The following PGGT1B variants were observed in gnomAD, a reference collection of about 807,000 sequenced individuals.
PGGT1B encodes the protein protein geranylgeranyltransferase type I subunit beta, also known as geranylgeranyl transferase type-1 subunit beta.
In PGGT1B, 30 loss-of-function variants were observed where a neutral mutation model predicts 46.1. The observed-to-expected ratio is 0.65, with a 90% confidence interval of 0.49 to 0.88. PGGT1B has a LOEUF of 0.88. Among genes scored for constraint, PGGT1B ranks in the 40% least tolerant of loss-of-function variants. The pLI is 0.00. For missense variants in PGGT1B, 376 were observed against 455.9 expected, an observed-to-expected ratio of 0.82 and a Z score of 1.60; for synonymous variants, 170 against 160.0, an observed-to-expected ratio of 1.06 and a Z score of -0.47.
chr5:115,262,206 A>G (rs1052108299), intron 1 of PGGT1B, among the ~76,000 whole-genome samples: 1 of 152,186 alleles, frequency 6.6e-6, no homozygotes, highest in Admixed American at 6.5e-5. Flanking sequence ...GCTTCACGCA[A>G]CACCACACCT....
intron 6 of PGGT1B, among the ~76,000 whole-genome samples, chr5:115,229,017 G>A (rs191012039): frequency 6.6e-6 from 1 of 152,138 alleles, no homozygotes; most frequent in Admixed American, 6.6e-5. Flanking sequence ...GAAAAAGAGA[G>A]AACACAATGA....
rs1374364086 is a variant in PGGT1B, at chr5:115,204,077, A to C, written c.*8325T>G. ...AGCTACCACACACTAAAATCATATT[A>C]GTTTTTCGGGGGTAGGAGTAAAGAT... On this transcript the variant is annotated 3_prime_UTR_variant, in exon 9 of 9. Transcript: ENST00000419445. The C allele has an allele frequency of 6.6e-6, 1 of 152,172 alleles. No homozygotes were observed. The highest frequency in any genetic ancestry group is 1.9e-4 in the East Asian group (1 of 5,198). The allele number at this position is 152,172 out of a possible 1,614,324, so 9.4% of individuals were successfully genotyped here. A position where few individuals can be genotyped will look rare whatever the true frequency, so the allele number is the denominator to read the frequency against.
intron 6 of PGGT1B, among the ~76,000 whole-genome samples, chr5:115,229,410 T>A (rs1043524101): frequency 2.6e-5 from 4 of 152,112 alleles, no homozygotes. Flanking sequence ...GCCAAATTTA[T>A]AGATAGAAGG....
chr5:115,208,842 T>G lies in PGGT1B; in HGVS notation c.*3560A>C, dbSNP rs1014210512. ...ACTGTACTAATTAATATAAATTTCC[T>G]GTCATATTTGCATTTTATTTTTTGG... On this transcript the variant is annotated 3_prime_UTR_variant, in exon 9 of 9. Transcript: ENST00000419445. 36 of 152,088 alleles carry G rather than the reference T, an allele frequency of 2.4e-4. 1 individual carries two copies. Among genetic ancestry groups the G allele is most frequent in the African/African-American group, 8.7e-4 (36 of 41,444 alleles). 9.4% of individuals were successfully genotyped at this position (152,088 alleles called of 1,614,324 possible).
chr5:115,256,318 T>C (rs1748310414), intron 1 of PGGT1B, among the ~76,000 whole-genome samples: 1 of 152,214 alleles, frequency 6.6e-6, no homozygotes, highest in Non-Finnish European at 1.5e-5. Flanking sequence ...TTTAAGGTCA[T>C]ACTCTTATCT....
Position 115,207,631 on chromosome 5 carries a change from G to A in PGGT1B, c.*4771C>T, listed in dbSNP as rs148876083. 43 of 152,154 alleles carry A rather than the reference G, an allele frequency of 2.8e-4. No homozygotes were observed. The highest frequency in any genetic ancestry group is 9.4e-4 in the African/African-American group (39 of 41,558). 9.4% of individuals were successfully genotyped at this position (152,154 alleles called of 1,614,324 possible). On this transcript the variant is annotated 3_prime_UTR_variant, in exon 9 of 9. Transcript: ENST00000419445. ...TGGTGAAGCCTACTGATATTTTTAT[G>A]TAAATTGTATTTAATAGCTACTTTA...
At chr5:115,234,144 G>GT (rs1757093227) in intron 5 of PGGT1B, among the ~76,000 whole-genome samples, 1 of 138,050 alleles carries the variant, frequency 7.2e-6, no homozygotes, top group African/African-American at 2.8e-5. Context: ...CTGATAAGGA[G>GT]TAATTTTCAC....
Position 115,210,997 on chromosome 5 carries a change from C to T in PGGT1B, c.*1405G>A, listed in dbSNP as rs1353007269. On this transcript the variant is annotated 3_prime_UTR_variant, in exon 9 of 9. Coordinates refer to ENST00000419445, the MANE Select transcript of PGGT1B (RefSeq NM_005023.4). ...CTTGGGAAGGACTGTTATTTCACAA[C>T]ATTTTTTTCCCTCTGATTTAGAAAA... 2.0e-5 allele frequency: 3 copies of T among 152,082 alleles called. No homozygotes were observed. The highest frequency in any genetic ancestry group is 4.4e-5 in the Non-Finnish European group (3 of 67,942). The allele number at this position is 152,082 out of a possible 1,614,324, so 9.4% of individuals were successfully genotyped here.
intron 1 of PGGT1B, among the ~76,000 whole-genome samples, chr5:115,260,217 A>T (rs1263989751): frequency 6.6e-6 from 1 of 152,246 alleles, no homozygotes; most frequent in Admixed American, 6.5e-5. Context: ...GAAACAAGAA[A>T]ATAAGAGTAA....
At chr5:115,215,789 C>A (rs145288082) in intron 8 of PGGT1B, among the ~76,000 whole-genome samples, 3 of 152,172 alleles carry the variant, frequency 2.0e-5, no homozygotes. Flanking sequence ...ATAAAAACCA[C>A]GACTCTATTG....
rs1419345218 is a variant in PGGT1B at position 115,212,542 on chromosome 5, T to A, written c.994A>T (p.Met332Leu). ...AYFGICGLSL[M>L]EESGICKVHP... ...ACTTTACAAATTCCACTTTCCTCCA[T>A]TAGTGACAGGCCACAGATCCCAAAG... is the stretch of plus-strand genomic sequence containing the variant. Residue 332 changes from methionine to leucine, a missense_variant, in exon 9 of 9, where the codon ATG becomes TTG. Physicochemically the swap from Met to Leu is conservative, Grantham distance 15 (BLOSUM62 2). Around this residue, in one of 2 missense-constraint regions of PGGT1B, gnomAD observed 222 missense variants for 313.6 expected, o/e 0.71. Transcript: ENST00000419445. 2 of 1,613,440 alleles carry A rather than the reference T, an allele frequency of 1.2e-6. No homozygotes were observed. The highest frequency in any genetic ancestry group is 1.7e-6 in the Non-Finnish European group (2 of 1,179,626).
chr5:115,233,861 T>A (rs999202888), intron 5 of PGGT1B, among the ~76,000 whole-genome samples: 1 of 152,052 alleles, frequency 6.6e-6, no homozygotes, highest in Non-Finnish European at 1.5e-5. Context: ...TGGTCTATCC[T>A]TTTTGGAGAG....
At chr5:115,218,220 T>C (rs1379445843) in intron 7 of PGGT1B, among the ~76,000 whole-genome samples, 1 of 151,698 alleles carries the variant, frequency 6.6e-6, no homozygotes, top group Non-Finnish European at 1.5e-5. Flanking sequence ...GAAGTCAGTC[T>C]GTGATTTAAA....
rs192227494 is a variant in PGGT1B at position 115,235,394 on chromosome 5, G to T, written c.612+996C>A. ...ATCAATGCATACTAACAACACTATT[G>T]GATAAAAATTTGATTAGGGACTCAC... On this transcript the variant is annotated intron_variant, in intron 5 of 8. Transcript: ENST00000419445. Among the ~76,000 whole-genome samples the T allele has an allele frequency of 3.8e-3, 574 of 152,018 alleles. 1 individual carries two copies. Among genetic ancestry groups the T allele is most frequent in the Middle Eastern group, 0.014 (4 of 294 alleles).
chr5:115,235,408 T>C (rs529866372), intron 5 of PGGT1B, among the ~76,000 whole-genome samples: 96 of 152,100 alleles, frequency 6.3e-4, no homozygotes, highest in Non-Finnish European at 1.2e-3. Flanking sequence ...AAAAATTTGA[T>C]TAGGGACTCA....
chr5:115,242,077 G>A (rs1010391172), intron 2 of PGGT1B, among the ~76,000 whole-genome samples: 2 of 152,120 alleles, frequency 1.3e-5, no homozygotes, highest in Non-Finnish European at 2.9e-5. Flanking sequence ...GCAAACTAAA[G>A]GTTTAAAGCT....
chr5:115,248,990 G>A (rs898699170), intron 2 of PGGT1B, among the ~76,000 whole-genome samples: 1 of 151,938 alleles, frequency 6.6e-6, no homozygotes, highest in Non-Finnish European at 1.5e-5. Context: ...TTTTATTTTT[G>A]TATGTTTTGA....
Position 115,244,480 on chromosome 5 carries a change from A to AAAG in PGGT1B, c.260-2875_260-2874insCTT, listed in dbSNP as rs1554072525. On this transcript the variant is annotated intron_variant, in intron 2 of 8. Transcript: ENST00000419445. ...ACTCTGTCTCACAAAAAAAAAAAAA[A>AAAG]AAAAAAAAAAAGGATTCTACCTAAC... 3.7e-4 allele frequency among the ~76,000 whole-genome samples: 51 copies of AAAG among 136,230 alleles called. 3 individuals carry two copies. The highest frequency in any genetic ancestry group is 4.5e-4 in the African/African-American group (15 of 33,512). 89.4% of individuals were successfully genotyped at this position (136,230 alleles called of 152,430 possible). A position where few individuals can be genotyped will look rare whatever the true frequency, so the allele number is the denominator to read the frequency against.
intron 8 of PGGT1B, among the ~76,000 whole-genome samples, chr5:115,212,980 T>C (rs1756283331): frequency 6.6e-6 from 1 of 152,164 alleles, no homozygotes; most frequent in African/African-American, 2.4e-5. Flanking sequence ...AGTTTTTTTT[T>C]CTTTAAAACG....
Sources: gnomAD v4.1 joint callset for allele counts (sites outside exome capture counted in the v4.1 genomes callset) on GRCh38, gnomAD v4.1.1 for gene constraint, gnomAD v4.1.1 regional missense constraint, MANE v1.5 for transcripts, NCBI Gene and HGNC (gene_info 2026-07-23, HGNC 2026-07-21) for gene names.